Variants in PHLPP2 observed in about 807,000 individuals in gnomAD.
PHLPP2 encodes PH domain and leucine rich repeat protein phosphatase 2.
A neutral mutation model predicts 124.9 loss-of-function variants in PHLPP2; 66 were observed. That is an observed-to-expected ratio of 0.53 (90% CI 0.43 to 0.65). The LOEUF (loss-of-function observed/expected upper bound fraction) is 0.65. Among genes scored for constraint, PHLPP2 ranks in the 30% least tolerant of loss-of-function variants. The pLI, the probability that PHLPP2 is intolerant of heterozygous loss-of-function variation, is 0.00. For missense variants in PHLPP2, 1,685 were observed against 1,600.4 expected (o/e 1.05, Z -0.90); for synonymous variants, 681 against 624.7 (o/e 1.09, Z -1.34).
chr16:71,683,336 A>G (rs945621717), intron 5 of PHLPP2, among the ~76,000 whole-genome samples: 24 of 152,330 alleles, frequency 1.6e-4, no homozygotes, highest in Middle Eastern at 3.4e-3. Context: ...AATTATGTTG[A>G]AAGACTAATT....
intron 3 of PHLPP2, among the ~76,000 whole-genome samples, chr16:71,700,852 G>C (rs1385633970): frequency 6.6e-6 from 1 of 152,204 alleles, no homozygotes; most frequent in Non-Finnish European, 1.5e-5. Context: ...TAAGTAAAAA[G>C]TGGTAAAAGT....
rs746313254 is a variant in PHLPP2 at position 71,714,789 on chromosome 16, G to A, written c.7C>T (p.Arg3Cys). 48 of 1,609,612 alleles carry A rather than the reference G, an allele frequency of 3.0e-5. No individual in the cohort carries two copies. Among genetic ancestry groups the A allele is most frequent in the South Asian group, 7.7e-5 (7 of 90,474 alleles). MK[R>C]NGSRNCLNRR... ...TTCAAACAATTTCTGCTCCCATTGCGTTTCATATTTCTCTAAAAAATATCA... is the reference window on the plus strand; with the variant it reads ...TTCAAACAATTTCTGCTCCCATTGCATTTCATATTTCTCTAAAAAATATCA... Residue 3 changes from arginine (R) to cysteine (C), a missense_variant, in exon 2 of 19, where the codon CGC (arginine) becomes TGC (cysteine). Coordinates refer to ENST00000568954, the MANE Select transcript of PHLPP2 (RefSeq NM_015020.3).
intron 3 of PHLPP2, chr16:71,698,743 C>T (rs377180219): frequency 3.6e-6 from 1 of 274,972 alleles, no homozygotes. Flanking sequence ...AATCATGCTA[C>T]CTACTCAACT....
chr16:71,710,881 C>A (rs1048075793), intron 2 of PHLPP2, among the ~76,000 whole-genome samples: 1 of 152,138 alleles, frequency 6.6e-6, no homozygotes, highest in Non-Finnish European at 1.5e-5. Flanking sequence ...TAGTAACTGT[C>A]GAAGCCAGGA....
At position 71,656,754 on chromosome 16, in the gene PHLPP2, C is replaced by CA. The variant is rs2044745417; in HGVS notation, c.2280-74_2280-73insT. On this transcript the variant is annotated intron_variant, in intron 15 of 18. Coordinates refer to ENST00000568954, the MANE Select transcript of PHLPP2 (RefSeq NM_015020.3). ...CAAAAACTATCCCAACAATAGTATTCTTTTTTTTTTTTTGAGATGGAGTCT... is the reference window on the plus strand; with the variant it reads ...CAAAAACTATCCCAACAATAGTATTCATTTTTTTTTTTTTGAGATGGAGTCT... 3 of 696,000 alleles carry CA rather than the reference C, an allele frequency of 4.3e-6. No individual in the cohort carries two copies. The Admixed American group carries it at 7.4e-5, about 17-fold the overall frequency. The allele number at this position is 696,000 out of a possible 1,614,324, so 43.1% of individuals were successfully genotyped here.
chr16:71,685,265 T>C (rs969323003), intron 4 of PHLPP2, among the ~76,000 whole-genome samples: 1 of 152,176 alleles, frequency 6.6e-6, no homozygotes, highest in South Asian at 2.1e-4. Flanking sequence ...GGGCGGAGGT[T>C]GCAGCAAGCT....
rs71386927 is a variant in PHLPP2 at position 71,708,581 on chromosome 16, A to T, written c.285-5850T>A. On this transcript the variant is annotated intron_variant, in intron 2 of 18. Transcript: ENST00000568954. ...TCGCACGGATGTCCCTGACAAAGAG[A>T]TCAAGACCATCCTGGCCAACATGGT... Among the ~76,000 whole-genome samples the T allele has an allele frequency of 2.1e-3, 327 of 152,242 alleles. 1 individual carries two copies. Among genetic ancestry groups the T allele is most frequent in the Non-Finnish European group, 3.0e-3 (204 of 68,006 alleles).
Position 71,679,379 on chromosome 16 carries a change from A to G in PHLPP2, c.1037+10T>C. The G allele has an allele frequency of 6.2e-7, 1 of 1,612,328 alleles. No individual in the cohort carries two copies. Among genetic ancestry groups the G allele is most frequent in the Non-Finnish European group, 8.5e-7 (1 of 1,178,466 alleles). ...CAAGGGAAAAGAGGAATCTAGTAAA[A>G]GTTACTTACTTTAGCAGATTGCCAA... On this transcript the variant is annotated intron_variant, in intron 7 of 18. Transcript: ENST00000568954.
At chr16:71,697,172 C>CAATAAATAAATAAATA (rs71389694) in intron 3 of PHLPP2, among the ~76,000 whole-genome samples, 6 of 124,042 alleles carry the variant, frequency 4.8e-5, no homozygotes, top group African/African-American at 1.2e-4. Context: ...GACTCTGTCT[C>CAATAAATAAATAAATA]AATAAATAAA....
At chr16:71,681,992 G>A in intron 5 of PHLPP2, 87 bp from the exon 6 acceptor site, 7 of 905,720 alleles carry the variant, frequency 7.7e-6, no homozygotes, top group South Asian at 2.8e-5. Context: ...TACACAAAAA[G>A]ACGCTAATTA....
At chr16:71,657,534 ACAGGC>A (rs2044752526) in intron 15 of PHLPP2, among the ~76,000 whole-genome samples, 2 of 151,582 alleles carry the variant, frequency 1.3e-5, no homozygotes, top group Non-Finnish European at 2.9e-5. Flanking sequence ...AGCTGGGACT[ACAGGC>A]GCCCGCCACC....
At chr16:71,675,664 T>C (rs2044939283) in intron 9 of PHLPP2, among the ~76,000 whole-genome samples, 1 of 152,228 alleles carries the variant, frequency 6.6e-6, no homozygotes, top group African/African-American at 2.4e-5. Flanking sequence ...TACAACTTCA[T>C]TCAGAAACAT....
At chr16:71,683,511 G>A (rs1051718970) in intron 5 of PHLPP2, among the ~76,000 whole-genome samples, 8 of 152,140 alleles carry the variant, frequency 5.3e-5, no homozygotes, top group South Asian at 2.1e-4. Context: ...TGACTATTAC[G>A]GTTGAGGGAA....
At chr16:71,712,857 G>A (rs983803446) in intron 2 of PHLPP2, among the ~76,000 whole-genome samples, 1 of 152,116 alleles carries the variant, frequency 6.6e-6, no homozygotes, top group Non-Finnish European at 1.5e-5. Flanking sequence ...ACTTTCAACA[G>A]TATTAAATCC....
At chr16:71,700,514 C>G (rs970111163) in intron 3 of PHLPP2, among the ~76,000 whole-genome samples, 1 of 143,400 alleles carries the variant, frequency 7.0e-6, no homozygotes, top group Non-Finnish European at 1.5e-5. Flanking sequence ...TTTAGTGACT[C>G]ATTTCTTTTT....
intron 13 of PHLPP2, among the ~76,000 whole-genome samples, chr16:71,660,674 G>A (rs943222067): frequency 1.3e-5 from 2 of 152,014 alleles, no homozygotes; most frequent in Admixed American, 1.3e-4. Flanking sequence ...AAAGTGCTGG[G>A]ATTACAGGCG....
intron 11 of PHLPP2, among the ~76,000 whole-genome samples, 178 bp downstream of exon 11, chr16:71,669,097 A>G (rs2044866900): frequency 1.3e-5 from 2 of 152,226 alleles, no homozygotes; most frequent in Admixed American, 1.3e-4. Flanking sequence ...GTTCCTTGCA[A>G]GCCAAGCCCA....
At chr16:71,664,234 G>A (rs111568385) in intron 12 of PHLPP2, 135 bp from the exon 13 acceptor site, 40 of 655,336 alleles carry the variant, frequency 6.1e-5, no homozygotes, top group African/African-American at 3.1e-4. Context: ...AAATCTCCAC[G>A]TAGTTTTTCT....
rs2303224 is a variant in PHLPP2, at chr16:71,658,540, A to T, written c.2148+113T>A. 4.7e-6 allele frequency: 6 copies of T among 1,268,548 alleles called. No homozygotes were observed. The African/African-American group carries it at 6.0e-5, about 13-fold the overall frequency. The allele number at this position is 1,268,548 out of a possible 1,614,324, so 78.6% of individuals were successfully genotyped here. On this transcript the variant is annotated intron_variant, in intron 14 of 18. Coordinates refer to ENST00000568954, the MANE Select transcript of PHLPP2 (RefSeq NM_015020.3). The stretch of plus-strand genomic sequence containing the variant: ...TAAGAAGACAATAATATTTTTCCTT[A>T]TAAGAATAATCTCATTCACACTCCT...
Sources: gnomAD v4.1 joint callset for allele counts (sites outside exome capture counted in the v4.1 genomes callset) on GRCh38, gnomAD v4.1.1 for gene constraint, MANE v1.5 for transcripts, NCBI Gene and HGNC (gene_info 2026-07-23, HGNC 2026-07-21) for gene names.